Variants in C2CD5 observed in about 807,000 individuals in gnomAD.
C2CD5 encodes the protein C2 domain-containing protein 5.
In C2CD5, 109 loss-of-function variants were observed where a neutral mutation model predicts 130.3. The ratio of observed to expected loss-of-function variants is 0.84; its 90% CI spans 0.72 to 0.98. The LOEUF is 0.98. Ranked by LOEUF, C2CD5 falls within the 50% of genes least tolerant of loss-of-function variation. The pLI, the probability that C2CD5 is intolerant of heterozygous loss-of-function variation, is 0.00. For synonymous variants in C2CD5, 454 were observed against 429.2 expected, an observed-to-expected ratio of 1.06 and a Z score of -0.71; for missense variants, 996 against 1,261.8, an observed-to-expected ratio of 0.79 and a Z score of 3.19.
chr12:22,480,695 T>A (rs918757617), intron 14 of C2CD5, among the ~76,000 whole-genome samples: 2 of 152,202 alleles, frequency 1.3e-5, no homozygotes, highest in African/African-American at 4.8e-5. Flanking sequence ...CAGTCTTGCA[T>A]CAAGCACAAA....
intron 2 of C2CD5, among the ~76,000 whole-genome samples, chr12:22,542,373 C>T (rs1358245096): frequency 2.6e-5 from 4 of 152,238 alleles, no homozygotes; most frequent in African/African-American, 7.2e-5. Context: ...ATTCAGCTTC[C>T]TTGTCGCTCC....
chr12:22,482,528 A>G (rs1272142088), intron 14 of C2CD5, 29 bp downstream of exon 14: 1 of 1,590,604 alleles, frequency 6.3e-7, no homozygotes, highest in Admixed American at 1.7e-5. Flanking sequence ...AGGAAATCAT[A>G]AAACAAAACC....
intron 9 of C2CD5, among the ~76,000 whole-genome samples, chr12:22,511,533 C>G (rs1337826318): frequency 2.6e-5 from 4 of 152,192 alleles, no homozygotes; most frequent in African/African-American, 9.7e-5. Flanking sequence ...TCAGGACTGA[C>G]AAGGTTGTAA....
rs1315731817 is a variant in C2CD5 at position 22,493,294 on chromosome 12, T to C, written c.1191A>G (p.Gln397=). The change falls in exon 11 of 27, where the codon CAA becomes CAG. Residue 397 remains glutamine (Q), a synonymous_variant. Transcript: ENST00000446597. ...TRDAWWAEIR[Q]EIKSHAKALG... ...ATGCTTTAGCATGTGATTTTATTTCTTGTCTGATTTCTGCCCACCATGCAT... is the reference window on the plus strand; with the variant it reads ...ATGCTTTAGCATGTGATTTTATTTCCTGTCTGATTTCTGCCCACCATGCAT... The C allele has an allele frequency of 6.2e-7, 1 of 1,612,328 alleles. No individual in the cohort carries two copies. The highest frequency in any genetic ancestry group is 2.2e-5 in the East Asian group (1 of 44,846).
intron 25 of C2CD5, 108 bp from the exon 26 acceptor site, chr12:22,454,150 A>G: frequency 1.2e-6 from 1 of 834,716 alleles, no homozygotes; most frequent in Non-Finnish European, 1.8e-6. Context: ...AATTATCTTA[A>G]TATACCAAAT....
At position 22,470,636 on chromosome 12, in the gene C2CD5, G is replaced by A. The variant is rs16924978; in HGVS notation, c.2446+188C>T. 0.02 allele frequency among the ~76,000 whole-genome samples: 3,079 copies of A among 152,086 alleles called. 96 individuals carry two copies. Among genetic ancestry groups the A allele is most frequent in the African/African-American group, 0.07 (2,889 of 41,510 alleles). The stretch of plus-strand genomic sequence containing the variant: ...AACATCAGTCAAATACCACCCAGTC[G>A]CGTGTGAAAAATATCAAGTCAGCCA... On this transcript the variant is annotated intron_variant, in intron 21 of 26. Coordinates refer to ENST00000446597, the MANE Select transcript of C2CD5 (RefSeq NM_001286176.2).
chr12:22,511,093 A>G (rs1949137525), intron 9 of C2CD5, among the ~76,000 whole-genome samples: 1 of 152,076 alleles, frequency 6.6e-6, no homozygotes. Context: ...TGGAGTAAAG[A>G]ATAACACTTT....
rs73261841 is a variant in C2CD5 at position 22,450,004 on chromosome 12, G to C, written c.3025-113C>G. ...AAAACACAGGCTTCTAAATCATTAG[G>C]ATAAAGATAGGCAATCCAACAGAAA... is the stretch of plus-strand genomic sequence containing the variant. On this transcript the variant is annotated intron_variant, in intron 26 of 26. Transcript: ENST00000446597. 3,114 of 773,494 alleles carry C rather than the reference G, an allele frequency of 4.0e-3. 49 individuals carry two copies. In the East Asian group the frequency reaches 0.043, roughly 11 times the overall value. The allele number at this position is 773,494 out of a possible 1,614,324, so 47.9% of individuals were successfully genotyped here. A position where few individuals can be genotyped will look rare whatever the true frequency, so the allele number is the denominator to read the frequency against.
intron 7 of C2CD5, 25 bp downstream of exon 7, chr12:22,523,401 A>C (rs1195415390): frequency 6.3e-6 from 10 of 1,575,864 alleles, no homozygotes; most frequent in Non-Finnish European, 7.9e-6. Flanking sequence ...TCTTAGCAAG[A>C]ACAATTTCAT....
chr12:22,464,927 A>G (rs1482981613), intron 22 of C2CD5, among the ~76,000 whole-genome samples: 1 of 152,168 alleles, frequency 6.6e-6, no homozygotes, highest in Non-Finnish European at 1.5e-5. Context: ...TTTTAAAATA[A>G]TGTTAGCAAG....
At chr12:22,481,385 A>C (rs981007088) in intron 14 of C2CD5, among the ~76,000 whole-genome samples, 1 of 152,204 alleles carries the variant, frequency 6.6e-6, no homozygotes, top group Non-Finnish European at 1.5e-5. Context: ...GAAAACTGCC[A>C]ATAACACAGC....
chr12:22,464,345 T>C (rs1410884304), intron 22 of C2CD5, among the ~76,000 whole-genome samples: 1 of 152,200 alleles, frequency 6.6e-6, no homozygotes, highest in Non-Finnish European at 1.5e-5. Flanking sequence ...CCTGCTTCCA[T>C]TTCCAAGCAT....
chr12:22,534,181 C>CA (rs1951601749), intron 3 of C2CD5, among the ~76,000 whole-genome samples: 2 of 152,156 alleles, frequency 1.3e-5, no homozygotes, highest in Non-Finnish European at 1.5e-5. Flanking sequence ...AAGCAAGACT[C>CA]TGTCTATTAA....
At position 22,474,861 on chromosome 12, in the gene C2CD5, TG is replaced by T. The variant is rs1215472666; in HGVS notation, c.1932del (p.Ile645SerfsTer11). ...CTTGAGCGTTGCCTAGGTTCTGGGA[TG>T]GGTGATCCTATAATCTCTTCAGATA... The part of the protein sequence containing the change: ...PEISEEIIGS[P>X]IPEPRQRSRL... On this transcript the variant is annotated frameshift_variant, in exon 16 of 27. Coordinates refer to ENST00000446597, the MANE Select transcript of C2CD5 (RefSeq NM_001286176.2). LOFTEE classifies it high-confidence loss of function. The T allele has an allele frequency of 3.1e-6, 5 of 1,602,980 alleles. No individual in the cohort carries two copies. The highest frequency in any genetic ancestry group is 4.3e-6 in the Non-Finnish European group (5 of 1,172,792).
At chr12:22,489,302 T>C (rs1946033011) in intron 12 of C2CD5, among the ~76,000 whole-genome samples, 1 of 151,704 alleles carries the variant, frequency 6.6e-6, no homozygotes, top group Non-Finnish European at 1.5e-5. Flanking sequence ...ACCAAACTAA[T>C]AGTTTATATA....
At chr12:22,476,699 C>G (rs913132227) in intron 15 of C2CD5, among the ~76,000 whole-genome samples, 8 of 151,996 alleles carry the variant, frequency 5.3e-5, no homozygotes, top group Non-Finnish European at 1.2e-4. Context: ...CAAGTACATA[C>G]AGGTACAACA....
At chr12:22,501,845 TGAA>T (rs1261149761) in intron 10 of C2CD5, among the ~76,000 whole-genome samples, 2 of 152,094 alleles carry the variant, frequency 1.3e-5, no homozygotes, top group African/African-American at 4.8e-5. Flanking sequence ...TTTACAATAT[TGAA>T]AAGATTATGA....
intron 3 of C2CD5, among the ~76,000 whole-genome samples, chr12:22,530,351 TA>T (rs1199607559): frequency 1.3e-5 from 2 of 151,098 alleles, no homozygotes; most frequent in Admixed American, 6.6e-5. Flanking sequence ...TAAACAGGGT[TA>T]AAAAAAGTAC....
intron 7 of C2CD5, chr12:22,519,369 C>A: frequency 9.6e-6 from 6 of 626,758 alleles, no homozygotes; most frequent in South Asian, 3.6e-5. Flanking sequence ...CCCTAGCATG[C>A]AAAAAACAAG....
Sources: gnomAD v4.1 joint callset for allele counts (sites outside exome capture counted in the v4.1 genomes callset) on GRCh38, gnomAD v4.1.1 for gene constraint, MANE v1.5 for transcripts, NCBI Gene and HGNC (gene_info 2026-07-23, HGNC 2026-07-21) for gene names.